The following NKTR variants were observed in gnomAD, a reference collection of about 807,000 sequenced individuals.
NKTR encodes the protein natural killer cell triggering receptor, also known as NK-tumor recognition protein.
In NKTR, 67 loss-of-function variants were observed where a neutral mutation model predicts 156.3. The observed-to-expected ratio is 0.43, with a 90% CI of 0.35 to 0.53. The LOEUF (loss-of-function observed/expected upper bound fraction) is 0.53. Among genes scored for constraint, NKTR ranks in the 20% least tolerant of loss-of-function variants. The probability of loss-of-function intolerance (pLI) is 0.01; values close to 1 mark genes in which losing one functional copy is unlikely to be tolerated. For missense variants in NKTR, 1,604 were observed against 1,730.9 expected (o/e 0.93, Z 1.30); for synonymous variants, 640 against 596.6 (o/e 1.07, Z -1.06).
At chr3:42,601,106 C>G (rs781287622) in intron 2 of NKTR, 42 bp downstream of exon 2, 9 of 1,504,250 alleles carry the variant, frequency 6.0e-6, no homozygotes, top group South Asian at 2.5e-5. Context: ...CCGAGGCCTG[C>G]CTTGGCGAAG....
At chr3:42,621,555 A>G in intron 6 of NKTR, 39 bp downstream of exon 6, 2 of 1,593,750 alleles carry the variant, frequency 1.3e-6, no homozygotes, top group Non-Finnish European at 1.7e-6. Context: ...TTTCTTAAAC[A>G]GAGAAGCGCT....
intron 3 of NKTR, among the ~76,000 whole-genome samples, chr3:42,618,040 A>G (rs774531762): frequency 3.3e-5 from 5 of 152,114 alleles, no homozygotes; most frequent in Non-Finnish European, 7.4e-5. Context: ...GGAAACATCT[A>G]TAATGTTACT....
chr3:42,631,451 A>C, intron 8 of NKTR, 135 bp downstream of exon 8: 2 of 996,324 alleles, frequency 2.0e-6, no homozygotes, highest in South Asian at 1.8e-5. Flanking sequence ...CTACATGTTT[A>C]ATCTTTTAGC....
intron 6 of NKTR, chr3:42,627,869 T>C (rs1054141199): frequency 4.1e-6 from 4 of 985,220 alleles, no homozygotes; most frequent in Non-Finnish European, 4.8e-6. Context: ...CAGCCGCTTT[T>C]AAGATCAATG....
At chr3:42,636,091 A>G (rs902436893) in intron 12 of NKTR, among the ~76,000 whole-genome samples, 1 of 152,172 alleles carries the variant, frequency 6.6e-6, no homozygotes, top group Non-Finnish European at 1.5e-5. Context: ...GATGTCCCAC[A>G]GTTGAATATT....
At chr3:42,611,703 A>T (rs1052091521) in intron 2 of NKTR, among the ~76,000 whole-genome samples, 1 of 150,316 alleles carries the variant, frequency 6.7e-6, no homozygotes, top group African/African-American at 2.5e-5. Context: ...ACTGCACTCC[A>T]GCCTGGGTGA....
chr3:42,633,101 A>T (rs1353170892), intron 9 of NKTR: 2 of 821,484 alleles, frequency 2.4e-6, no homozygotes, highest in Non-Finnish European at 3.1e-6. Context: ...ATACAGTGGC[A>T]CAATTATAGC....
At chr3:42,608,320 C>G (rs1446298925) in intron 2 of NKTR, among the ~76,000 whole-genome samples, 1 of 152,088 alleles carries the variant, frequency 6.6e-6, no homozygotes, top group Non-Finnish European at 1.5e-5. Flanking sequence ...GGGATTCCTA[C>G]AACCCCCTGC....
chr3:42,612,378 G>A (rs1450518643), intron 2 of NKTR: 2 of 152,016 alleles, frequency 1.3e-5, no homozygotes, highest in African/African-American at 4.8e-5. Flanking sequence ...CTATTCAAAA[G>A]AAAGAACATT....
rs371696506 is a variant in NKTR at position 42,638,517 on chromosome 3, A to G, written c.2813A>G (p.Asn938Ser). The G allele has an allele frequency of 1.5e-5, 24 of 1,611,922 alleles. No homozygotes were observed. Among genetic ancestry groups the G allele is most frequent in the African/African-American group, 4.0e-5 (3 of 74,736 alleles). ...KVKPTTKSST[N>S]TSLPDDNGAW... is the part of the protein sequence containing the mutation. ...AAACCCACAACCAAGTCGTCCACAA[A>G]TACTTCACTGCCTGATGATAATGGT... The change falls in exon 13 of 17, where the codon AAT becomes AGT. Residue 938 changes from asparagine to serine, a missense_variant. Transcript: ENST00000232978.
rs1709583029 is a variant in NKTR, at chr3:42,638,157, C to T, written c.2453C>T (p.Ala818Val). 1 of 1,613,042 alleles carries T rather than the reference C, an allele frequency of 6.2e-7. No individual in the cohort carries two copies. Among genetic ancestry groups the T allele is most frequent in the Non-Finnish European group, 8.5e-7 (1 of 1,179,818 alleles). Reference sequence around the variant, plus strand: ...GACAGTGAGCAGTCAAGTGTTCAGGCCACACAGTCAGCCCAGGAAAAAGAG... The same window carrying T: ...GACAGTGAGCAGTCAAGTGTTCAGGTCACACAGTCAGCCCAGGAAAAAGAG... The part of the protein sequence containing the change: ...SSDSEQSSVQ[A>V]TQSAQEKEKQ... Residue 818 changes from alanine to valine, a missense_variant, in exon 13 of 17, where the codon GCC becomes GTC. Physicochemically the swap from Ala to Val is moderately conservative, Grantham distance 64 (BLOSUM62 0). Transcript: ENST00000232978.
chr3:42,623,246 A>G (rs1270236212), intron 6 of NKTR, among the ~76,000 whole-genome samples: 1 of 152,088 alleles, frequency 6.6e-6, no homozygotes, highest in Non-Finnish European at 1.5e-5. Context: ...GAATCAATAA[A>G]TTACAATTAT....
At chr3:42,644,024 G>A (rs777540332) in intron 16 of NKTR, 21 bp downstream of exon 16, 30 of 1,570,480 alleles carry the variant, frequency 1.9e-5, no homozygotes, top group Middle Eastern at 3.4e-4. Context: ...CTCCTTTATC[G>A]TCCTTTATCG....
chr3:42,608,631 C>A (rs1308058274), intron 2 of NKTR, among the ~76,000 whole-genome samples: 1 of 152,082 alleles, frequency 6.6e-6, no homozygotes, highest in Non-Finnish European at 1.5e-5. Flanking sequence ...TATGTGTGAT[C>A]AATTATTAAC....
At chr3:42,618,093 G>T (rs938696164) in intron 3 of NKTR, among the ~76,000 whole-genome samples, 1 of 152,082 alleles carries the variant, frequency 6.6e-6, no homozygotes, top group Admixed American at 6.5e-5. Flanking sequence ...GCTCAAGCCT[G>T]TAATCCCAGC....
rs1233503157 is a variant in NKTR, at chr3:42,639,698, G to A, written c.3994G>A (p.Val1332Ile). 4 of 1,612,866 alleles carry A rather than the reference G, an allele frequency of 2.5e-6. No homozygotes were observed. In the Admixed American group the frequency reaches 6.7e-5, roughly 27 times the overall value. The part of the protein sequence containing the change: ...ETKSRHRTRS[V>I]SYSHSRSRSR... ...CAAATCAAGACACAGAACAAGGTCT[G>A]TCTCCTATAGTCACTCAAGAAGTCG... Residue 1332 changes from valine to isoleucine, a missense_variant, in exon 13 of 17, where the codon GTC becomes ATC. Physicochemically the swap from Val to Ile is conservative, Grantham distance 29. This residue lies in a region of NKTR where 193 missense variants were observed against 220.2 expected (regional missense o/e 0.88). Coordinates refer to ENST00000232978, the MANE Select transcript of NKTR (RefSeq NM_005385.4).
chr3:42,603,648 A>G (rs1705848672), intron 2 of NKTR, among the ~76,000 whole-genome samples: 1 of 151,904 alleles, frequency 6.6e-6, no homozygotes. Flanking sequence ...TAATCATTTG[A>G]TAGTTGGAAA....
rs1705397358 is a variant in NKTR, at chr3:42,601,173, C to T, written c.58+109C>T. The T allele has an allele frequency of 9.5e-6, 8 of 840,854 alleles. No individual in the cohort carries two copies. The South Asian group carries it at 1.3e-4, about 14-fold the overall frequency. The allele number at this position is 840,854 out of a possible 1,614,324, so 52.1% of individuals were successfully genotyped here. Reference sequence around the variant, plus strand: ...GGCCTTTTTGGGAGCGGGTAGGAGGCGCAGGCAACTTTCCGTTTTCTCTTG... The same window carrying T: ...GGCCTTTTTGGGAGCGGGTAGGAGGTGCAGGCAACTTTCCGTTTTCTCTTG... On this transcript the variant is annotated intron_variant, in intron 2 of 16. Coordinates refer to ENST00000232978, the MANE Select transcript of NKTR (RefSeq NM_005385.4).
At chr3:42,627,132 A>G (rs1455246007) in intron 6 of NKTR, 2 of 863,248 alleles carry the variant, frequency 2.3e-6, no homozygotes, top group African/African-American at 1.8e-5. Flanking sequence ...ATATTAAAAC[A>G]TAGATTCAGT....
Sources: allele counts gnomAD v4.1 joint callset (sites outside exome capture counted in the v4.1 genomes callset), GRCh38; gene constraint gnomAD v4.1.1; regional missense constraint gnomAD v4.1.1; transcripts MANE v1.5; gene names NCBI Gene and HGNC (gene_info 2026-07-23, HGNC 2026-07-21).